Variants in AATF observed in about 807,000 individuals in gnomAD.
AATF encodes the protein protein AATF.
A neutral mutation model predicts 63.7 loss-of-function variants in AATF; 48 were observed. That is an observed-to-expected ratio of 0.75 (90% CI 0.60 to 0.96). The LOEUF is 0.96. Ranked by LOEUF, AATF falls within the 40% of genes least tolerant of loss-of-function variation. AATF has a pLI of 0.00. For synonymous variants in AATF, 258 were observed against 247.7 expected (o/e 1.04, Z -0.39); for missense variants, 639 against 685.7 (o/e 0.93, Z 0.76).
At chr17:37,042,215 T>TG (rs1050558987) in intron 11 of AATF, among the ~76,000 whole-genome samples, 1 of 152,060 alleles carries the variant, frequency 6.6e-6, no homozygotes, top group African/African-American at 2.4e-5. Flanking sequence ...AACCTTTTTG[T>TG]GGGGGGTGTT....
At chr17:37,029,811 C>G (rs911722497) in intron 10 of AATF, among the ~76,000 whole-genome samples, 6 of 151,496 alleles carry the variant, frequency 4.0e-5, no homozygotes, top group African/African-American at 1.5e-4. Flanking sequence ...GGTGATCTGC[C>G]CCCCCTCAGC....
chr17:37,053,857 T>A (rs543331370), intron 11 of AATF, among the ~76,000 whole-genome samples: 1 of 152,162 alleles, frequency 6.6e-6, no homozygotes, highest in Admixed American at 6.5e-5. Flanking sequence ...AGAGCGAGAC[T>A]CCATCTCAAA....
chr17:36,996,555 G>A (rs1264501317), intron 8 of AATF, among the ~76,000 whole-genome samples: 1 of 152,206 alleles, frequency 6.6e-6, no homozygotes, highest in African/African-American at 2.4e-5. Context: ...TTAAATTTCA[G>A]TTTTAATAAC....
In AATF at chr17:36,990,655, G is replaced by T. The variant is rs937145341; in HGVS notation, c.1315-119G>T. On this transcript the variant is annotated intron_variant, in intron 7 of 11. Coordinates refer to ENST00000619387, the MANE Select transcript of AATF (RefSeq NM_012138.4). ...GGACTGTTTTGTTTTTTAATTTTAAGAACTTTTTATATCTTAAGGAAAACA... is the reference window on the plus strand; with the variant it reads ...GGACTGTTTTGTTTTTTAATTTTAATAACTTTTTATATCTTAAGGAAAACA... 3.4e-4 allele frequency: 226 copies of T among 664,502 alleles called. 1 individual carries two copies. The African/African-American group carries it at 4.0e-3, about 12-fold the overall frequency. The allele number at this position is 664,502 out of a possible 1,614,324, so 41.2% of individuals were successfully genotyped here.
rs150392315 is a variant in AATF at position 36,967,946 on chromosome 17, G to A, written c.832+14039G>A. 1.1e-3 allele frequency among the ~76,000 whole-genome samples: 162 copies of A among 149,982 alleles called. 1 individual carries two copies. Among genetic ancestry groups the A allele is most frequent in the African/African-American group, 3.7e-3 (149 of 40,776 alleles). On this transcript the variant is annotated intron_variant, in intron 4 of 11. Coordinates refer to ENST00000619387, the MANE Select transcript of AATF (RefSeq NM_012138.4). ...AAATTTCATAATGATGCACCGTAGC[G>A]TAGATCTGTTTTTGTCTGTTGTCTG...
chr17:36,988,563 A>T lies in AATF; in HGVS notation c.992A>T (p.Lys331Met). ...GATGATGAGCTGGTAGAAGAGAAGA[A>T]GCAGCAACGAAGAAGGGTCCCTGCA... ...SEDDELVEEK[K>M]QQRRRVPAKR... The change falls in exon 6 of 12, where the codon AAG (lysine) becomes ATG (methionine). Residue 331 changes from lysine (K) to methionine (M), a missense_variant. Physicochemically the swap from Lys to Met is moderately conservative, Grantham distance 95. Coordinates refer to ENST00000619387, the MANE Select transcript of AATF (RefSeq NM_012138.4). 1 of 1,614,176 alleles carries T rather than the reference A, an allele frequency of 6.2e-7. No individual in the cohort carries two copies. Among genetic ancestry groups the T allele is most frequent in the African/African-American group, 1.3e-5 (1 of 75,048 alleles).
chr17:36,962,435 A>T (rs1451924523), intron 4 of AATF, among the ~76,000 whole-genome samples: 1 of 152,180 alleles, frequency 6.6e-6, no homozygotes, highest in Non-Finnish European at 1.5e-5. Flanking sequence ...ATAAGCCCTA[A>T]ATGGGTCACA....
chr17:37,022,932 C>A (rs554691802), intron 10 of AATF, among the ~76,000 whole-genome samples: 8 of 152,304 alleles, frequency 5.3e-5, no homozygotes, highest in Middle Eastern at 3.4e-3. Context: ...TGTCTCCCCC[C>A]AGCCCCCTTC....
At chr17:37,042,139 G>A (rs182862164) in intron 11 of AATF, among the ~76,000 whole-genome samples, 1,556 of 151,964 alleles carry the variant, frequency 0.01, 18 homozygotes, top group Middle Eastern at 0.031. Context: ...TTGCTTACCT[G>A]TCAATATTAA....
chr17:36,952,466 G>C (rs1280323854), intron 2 of AATF, among the ~76,000 whole-genome samples: 3 of 152,218 alleles, frequency 2.0e-5, no homozygotes, highest in Admixed American at 2.0e-4. Context: ...GATCAGGTTT[G>C]GGAAAACTGG....
At chr17:37,044,684 A>T (rs1160352567) in intron 11 of AATF, among the ~76,000 whole-genome samples, 1 of 152,118 alleles carries the variant, frequency 6.6e-6, no homozygotes, top group Non-Finnish European at 1.5e-5. Context: ...TTGCGTCCAG[A>T]GGAATTTCGT....
intron 11 of AATF, among the ~76,000 whole-genome samples, chr17:37,037,922 C>T (rs1280148050): frequency 6.6e-6 from 1 of 152,188 alleles, no homozygotes; most frequent in Admixed American, 6.5e-5. Flanking sequence ...CCCACTCTCT[C>T]TCTTGCTCCT....
chr17:36,994,073 A>G (rs1380042011), intron 8 of AATF, among the ~76,000 whole-genome samples: 1 of 152,196 alleles, frequency 6.6e-6, no homozygotes, highest in Non-Finnish European at 1.5e-5. Context: ...AGTATCTGAT[A>G]TCATAAATAA....
At position 36,949,161 on chromosome 17, in the gene AATF, A is replaced by G. The variant is rs1366571888; in HGVS notation, c.36A>G (p.Glu12=). 1.9e-6 allele frequency: 3 copies of G among 1,591,408 alleles called. No homozygotes were observed. Among genetic ancestry groups the G allele is most frequent in the Admixed American group, 1.8e-5 (1 of 55,858 alleles). ...CGCAGCCCCTGGCGCTGCAACTGGA[A>G]CAGTTGTTGAACCCGCGACCAAGCG... ...AGPQPLALQL[E]QLLNPRPSEA... is the part of the protein sequence containing the mutation. Residue 12 remains glutamate (E), a synonymous_variant, in exon 1 of 12, where the codon GAA becomes GAG. Transcript: ENST00000619387.
At chr17:36,961,930 C>G (rs1380974559) in intron 4 of AATF, among the ~76,000 whole-genome samples, 1 of 152,190 alleles carries the variant, frequency 6.6e-6, no homozygotes, top group Non-Finnish European at 1.5e-5. Flanking sequence ...CTGTCTCAGC[C>G]TCCCAAAGTG....
At chr17:36,971,625 A>G (rs1444539771) in intron 4 of AATF, among the ~76,000 whole-genome samples, 1 of 152,242 alleles carries the variant, frequency 6.6e-6, no homozygotes, top group African/African-American at 2.4e-5. Flanking sequence ...AGTCTTGTAC[A>G]TGCACGTTCA....
In AATF at chr17:36,988,209, C is replaced by G. The variant is rs149899388; in HGVS notation, c.948-310C>G. Among the ~76,000 whole-genome samples, 352 of 152,200 alleles carry G rather than the reference C, an allele frequency of 2.3e-3. 1 individual carries two copies. The highest frequency in any genetic ancestry group is 8.2e-3 in the African/African-American group (342 of 41,506). On this transcript the variant is annotated intron_variant, in intron 5 of 11. Transcript: ENST00000619387. ...GCACACACCTGTAATCCCAGCTACC[C>G]ATGAGGCTGAGGCATGAGAATTGCT...
At chr17:37,002,005 C>T (rs2071302084) in intron 8 of AATF, among the ~76,000 whole-genome samples, 1 of 151,770 alleles carries the variant, frequency 6.6e-6, no homozygotes, top group South Asian at 2.1e-4. Flanking sequence ...GAGTCAAGAC[C>T]AGCCTGGCCA....
chr17:36,992,799 A>G (rs2071226028), intron 8 of AATF, among the ~76,000 whole-genome samples: 1 of 152,178 alleles, frequency 6.6e-6, no homozygotes, highest in African/African-American at 2.4e-5. Flanking sequence ...ATTAAAACTT[A>G]AACTAATAGA....
Sources: gnomAD v4.1 joint callset for allele counts (sites outside exome capture counted in the v4.1 genomes callset) on GRCh38, gnomAD v4.1.1 for gene constraint, MANE v1.5 for transcripts, NCBI Gene and HGNC (gene_info 2026-07-23, HGNC 2026-07-21) for gene names.